Variants in ELP4 observed in about 807,000 individuals in gnomAD.
ELP4 encodes elongator acetyltransferase complex subunit 4.
A neutral mutation model predicts 48.9 loss-of-function variants in ELP4; 51 were observed. The ratio of observed to expected loss-of-function variants is 1.04; its 90% CI spans 0.83 to 1.32. The LOEUF (loss-of-function observed/expected upper bound fraction) is 1.32. ELP4 is among the 40% of genes most tolerant of loss of function. The pLI, the probability that ELP4 is intolerant of heterozygous loss-of-function variation, is 0.00. For missense variants in ELP4, 519 were observed against 514.6 expected (o/e 1.01, Z -0.08); for synonymous variants, 210 against 189.2 (o/e 1.11, Z -0.90).
intron 3 of ELP4, among the ~76,000 whole-genome samples, chr11:31,548,968 C>T (rs1363171201): frequency 1.3e-5 from 2 of 152,022 alleles, no homozygotes; most frequent in Non-Finnish European, 2.9e-5. Flanking sequence ...TTCCTTACAC[C>T]TTATACAAAA....
rs1592313537 is a variant in ELP4, at chr11:31,784,461, A to G, written c.*937A>G. ...TTCATATGAAACATTAGGTGTTTTAATTACAATTCTATATTCTCAAAGCTT... is the reference window on the plus strand; with the variant it reads ...TTCATATGAAACATTAGGTGTTTTAGTTACAATTCTATATTCTCAAAGCTT... On this transcript the variant is annotated 3_prime_UTR_variant, in exon 10 of 10. Transcript: ENST00000640961. 6.6e-6 allele frequency: 1 copy of G among 152,146 alleles called. No homozygotes were observed. The allele number at this position is 152,146 out of a possible 1,614,324, so 9.4% of individuals were successfully genotyped here. A position where few individuals can be genotyped will look rare whatever the true frequency, so the allele number is the denominator to read the frequency against.
At chr11:31,618,238 T>C (rs1592163111) in intron 5 of ELP4, among the ~76,000 whole-genome samples, 1 of 152,258 alleles carries the variant, frequency 6.6e-6, no homozygotes, top group African/African-American at 2.4e-5. Context: ...TTAGTCTGTT[T>C]TGTGCTGCTA....
chr11:31,649,975 T>G (rs1945286221), intron 8 of ELP4, 140 bp from the exon 9 acceptor site: 1 of 467,642 alleles, frequency 2.1e-6, no homozygotes, highest in African/African-American at 2.0e-5. Flanking sequence ...TTTGCTTCAT[T>G]GCTCCTGGTA....
In ELP4 at chr11:31,785,335, A is replaced by C. The variant is rs185968715; in HGVS notation, c.*1811A>C. On this transcript the variant is annotated 3_prime_UTR_variant, in exon 10 of 10. Coordinates refer to ENST00000640961, the MANE Select transcript of ELP4 (RefSeq NM_019040.5). Reference sequence around the variant, plus strand: ...ACAACACACAATGGAACAATTACATAGCATTTGACTTGCTGAAAAAGAGAT... The same window carrying C: ...ACAACACACAATGGAACAATTACATCGCATTTGACTTGCTGAAAAAGAGAT... The C allele has an allele frequency of 1.1e-3, 210 of 183,592 alleles. No homozygotes were observed. The highest frequency in any genetic ancestry group is 4.5e-3 in the African/African-American group (194 of 42,730). 11.4% of individuals were successfully genotyped at this position (183,592 alleles called of 1,614,324 possible).
chr11:31,670,467 A>G (rs535599156), intron 9 of ELP4, among the ~76,000 whole-genome samples: 2 of 152,262 alleles, frequency 1.3e-5, no homozygotes, highest in Non-Finnish European at 2.9e-5. Flanking sequence ...TGTCCCTGTC[A>G]TCTTTTACCA....
chr11:31,624,707 T>C (rs1177347334), intron 5 of ELP4, among the ~76,000 whole-genome samples: 1 of 151,914 alleles, frequency 6.6e-6, no homozygotes, highest in Admixed American at 6.6e-5. Flanking sequence ...TTTTTGACTC[T>C]TGTAATAACA....
intron 9 of ELP4, among the ~76,000 whole-genome samples, chr11:31,752,853 G>T (rs1326090334): frequency 1.5e-5 from 2 of 135,440 alleles, no homozygotes; most frequent in Non-Finnish European, 3.2e-5. Flanking sequence ...AAAAAAAAAA[G>T]AACTGGAAAG....
intron 9 of ELP4, among the ~76,000 whole-genome samples, chr11:31,703,755 A>G (rs904975695): frequency 6.6e-6 from 1 of 152,316 alleles, no homozygotes; most frequent in South Asian, 2.1e-4. Context: ...AAGGAAATCA[A>G]AGTGTTTCCT....
chr11:31,549,921 G>T (rs186713349), intron 3 of ELP4, among the ~76,000 whole-genome samples: 3 of 152,092 alleles, frequency 2.0e-5, no homozygotes, highest in African/African-American at 7.2e-5. Flanking sequence ...TCACTCATAG[G>T]TGGGAATTGA....
chr11:31,593,503 C>G (rs1394835891), intron 3 of ELP4, among the ~76,000 whole-genome samples: 1 of 152,094 alleles, frequency 6.6e-6, no homozygotes, highest in African/African-American at 2.4e-5. Context: ...ACCTTGGCCT[C>G]CCAAAGCGCT....
At chr11:31,517,975 T>A (rs1184242388) in intron 1 of ELP4, among the ~76,000 whole-genome samples, 1 of 152,198 alleles carries the variant, frequency 6.6e-6, no homozygotes, top group East Asian at 1.9e-4. Flanking sequence ...TTGATACTCA[T>A]TTTTTAAAAT....
chr11:31,565,739 G>A (rs1957100289), intron 3 of ELP4, among the ~76,000 whole-genome samples: 1 of 151,702 alleles, frequency 6.6e-6, no homozygotes, highest in Admixed American at 6.6e-5. Context: ...CTATATCTCT[G>A]TTTTGGTACC....
chr11:31,730,496 A>C (rs1947163515), intron 9 of ELP4, among the ~76,000 whole-genome samples: 1 of 152,172 alleles, frequency 6.6e-6, no homozygotes, highest in African/African-American at 2.4e-5. Flanking sequence ...CATCATGCAG[A>C]AGGAAACTCT....
At chr11:31,704,339 G>T (rs1463330384) in intron 9 of ELP4, among the ~76,000 whole-genome samples, 2 of 152,044 alleles carry the variant, frequency 1.3e-5, no homozygotes, top group African/African-American at 4.8e-5. Context: ...CCTTTGTAGG[G>T]ACATGGATGA....
At chr11:31,741,101 C>A (rs1592270741) in intron 9 of ELP4, among the ~76,000 whole-genome samples, 4 of 152,256 alleles carry the variant, frequency 2.6e-5, no homozygotes, top group South Asian at 2.1e-4. Context: ...TATCCCGTAC[C>A]TGTCTCGGAG....
Position 31,541,697 on chromosome 11 carries a change from T to G in ELP4, c.381+1914T>G, listed in dbSNP as rs77170772. Among the ~76,000 whole-genome samples, 728 of 152,352 alleles carry G rather than the reference T, an allele frequency of 4.8e-3. 2 individuals are homozygous for G. Among genetic ancestry groups the G allele is most frequent in the Admixed American group, 8.0e-3 (122 of 15,304 alleles). ...TGCACAGTTTGCTTTAGAGAACACA[T>G]TAATTTCAAAACTAATCCCTGACAT... On this transcript the variant is annotated intron_variant, in intron 3 of 9. Transcript: ENST00000640961.
intron 9 of ELP4, among the ~76,000 whole-genome samples, chr11:31,707,623 T>TA (rs1470204515): frequency 6.6e-6 from 1 of 152,146 alleles, no homozygotes; most frequent in African/African-American, 2.4e-5. Context: ...GTTACTGCTA[T>TA]AAAAAATCAC....
At chr11:31,674,168 G>A (rs12284919) in intron 9 of ELP4, among the ~76,000 whole-genome samples, 82 of 152,256 alleles carry the variant, frequency 5.4e-4, no homozygotes, top group African/African-American at 1.9e-3. Flanking sequence ...TTTTCTATTG[G>A]AAGTGAACAA....
At chr11:31,627,974 G>A (rs765861950) in intron 6 of ELP4, among the ~76,000 whole-genome samples, 4 of 151,916 alleles carry the variant, frequency 2.6e-5, no homozygotes, top group Admixed American at 6.6e-5. Flanking sequence ...AAATATTCTT[G>A]TAAACTTTAT....
Sources: allele counts gnomAD v4.1 joint callset (sites outside exome capture counted in the v4.1 genomes callset), GRCh38; gene constraint gnomAD v4.1.1; transcripts MANE v1.5; gene names NCBI Gene and HGNC (gene_info 2026-07-23, HGNC 2026-07-21).